The following ALAD variants were observed in gnomAD, a reference collection of about 807,000 sequenced individuals.
ALAD encodes the protein aminolevulinate dehydratase.
ALAD carries 20 observed loss-of-function variants against 44.4 expected under a neutral mutation model. That is an observed-to-expected ratio of 0.45 (90% confidence interval 0.32 to 0.65). ALAD has a LOEUF of 0.65. ALAD is among the 30% of genes least tolerant of loss of function. The pLI is 0.05. For synonymous variants in ALAD, 156 were observed against 167.9 expected, an observed-to-expected ratio of 0.93 and a Z score of 0.55; for missense variants, 323 against 445.7, an observed-to-expected ratio of 0.72 and a Z score of 2.48.
intron 1 of ALAD, among the ~76,000 whole-genome samples, chr9:113,394,229 G>A (rs1253012661): frequency 1.4e-5 from 2 of 148,056 alleles, no homozygotes; most frequent in Admixed American, 6.7e-5. Flanking sequence ...CGTGAGCCAC[G>A]GTGCCTAGCC....
At chr9:113,390,340 G>C in intron 7 of ALAD, 65 bp downstream of exon 7, 8 of 1,531,740 alleles carry the variant, frequency 5.2e-6, no homozygotes, top group Non-Finnish European at 7.2e-6. Flanking sequence ...ATTCTTAGCA[G>C]ACACGGGGGC....
chr9:113,390,717 C>T, intron 5 of ALAD, 41 bp from the exon 6 acceptor site: 1 of 1,604,642 alleles, frequency 6.2e-7, no homozygotes, highest in African/African-American at 1.3e-5. Flanking sequence ...CACCTTGGGC[C>T]CTGGCCTGTC....
intron 4 of ALAD, among the ~76,000 whole-genome samples, chr9:113,391,231 C>G (rs968659370): frequency 2.0e-5 from 3 of 152,084 alleles, no homozygotes; most frequent in Non-Finnish European, 4.4e-5. Context: ...GAGACAGGGT[C>G]TTGCTCTGTC....
At chr9:113,388,782 G>A (rs1190156614) in intron 11 of ALAD, among the ~76,000 whole-genome samples, 195 bp downstream of exon 11, 1 of 152,214 alleles carries the variant, frequency 6.6e-6, no homozygotes, top group South Asian at 2.1e-4. Context: ...AACCAAAAAT[G>A]AAGGGCTCTG....
At chr9:113,390,964 T>C in intron 4 of ALAD, 31 bp from the exon 5 acceptor site, 1 of 1,613,476 alleles carries the variant, frequency 6.2e-7, no homozygotes, top group Non-Finnish European at 8.5e-7. Context: ...AAGCAGTGTG[T>C]CTATTACATG....
chr9:113,393,366 T>C (rs1827644867), intron 2 of ALAD, 81 bp downstream of exon 2: 1 of 1,327,868 alleles, frequency 7.5e-7, no homozygotes, highest in African/African-American at 1.4e-5. Context: ...GCCATACTGA[T>C]GCCCGCTCCA....
At chr9:113,393,419 G>A in intron 2 of ALAD, 28 bp downstream of exon 2, 1 of 1,411,206 alleles carries the variant, frequency 7.1e-7, no homozygotes. Flanking sequence ...CAGCAGAGCA[G>A]AGGCCTGGCC....
Position 113,393,567 on chromosome 9 carries a change from G to T in ALAD, c.-8C>A, listed in dbSNP as rs777832891. The T allele has an allele frequency of 6.2e-7, 1 of 1,611,076 alleles. No homozygotes were observed. Among genetic ancestry groups the T allele is most frequent in the South Asian group, 1.1e-5 (1 of 90,992 alleles). On this transcript the variant is annotated 5_prime_UTR_variant, in exon 2 of 12. Transcript: ENST00000409155. The stretch of plus-strand genomic sequence containing the variant: ...AACGGACTGGGGCTGCATGGCGTGG[G>T]CCAGTGGGCACAGGGGCATCAGTTG...
At chr9:113,390,769 G>T in intron 5 of ALAD, 29 bp downstream of exon 5, 1 of 1,600,550 alleles carries the variant, frequency 6.2e-7, no homozygotes, top group Non-Finnish European at 8.5e-7. Context: ...GTGGGTGGCA[G>T]CAGGGCTGGT....
chr9:113,389,560 G>A, intron 9 of ALAD, 36 bp from the exon 10 acceptor site: 1 of 1,614,128 alleles, frequency 6.2e-7, no homozygotes. Context: ...TGGTGCCTAG[G>A]AGGGGGCTGA....
At chr9:113,392,461 T>C in intron 2 of ALAD, 1 of 714,982 alleles carries the variant, frequency 1.4e-6, no homozygotes, top group South Asian at 2.3e-5. Context: ...AGGTCCTTGC[T>C]TTCTATCCCA....
rs1564368258 is a variant in ALAD at position 113,388,985 on chromosome 9, C to T, written c.923G>A (p.Arg308His). ...AAVLEAMTAFRRAGADIIITY... is the reference protein window; with the variant it reads ...AAVLEAMTAFHRAGADIIITY... Reference sequence around the variant, plus strand: ...CACCCTTGCCTGCCTACCTGCTCTGCGGAAGGCAGTCATGGCCTCCAGTAC... The same window carrying T: ...CACCCTTGCCTGCCTACCTGCTCTGTGGAAGGCAGTCATGGCCTCCAGTAC... The change falls in exon 11 of 12, where the codon CGC (arginine) becomes CAC (histidine). Residue 308 changes from arginine to histidine, a missense_variant. Physicochemically the swap from Arg to His is conservative, Grantham distance 29. Coordinates refer to ENST00000409155, the MANE Select transcript of ALAD (RefSeq NM_000031.6). 1.3e-5 allele frequency: 21 copies of T among 1,613,744 alleles called. No individual in the cohort carries two copies. Among genetic ancestry groups the T allele is most frequent in the South Asian group, 8.8e-5 (8 of 91,092 alleles).
At chr9:113,399,008 C>G (rs1317192310) in intron 1 of ALAD, among the ~76,000 whole-genome samples, 1 of 152,216 alleles carries the variant, frequency 6.6e-6, no homozygotes, top group African/African-American at 2.4e-5. Context: ...GACATTACCA[C>G]ACTGAAGACA....
intron 1 of ALAD, among the ~76,000 whole-genome samples, chr9:113,395,062 AAAAG>A (rs1306224596): frequency 5.1e-4 from 78 of 152,274 alleles, no homozygotes; most frequent in Admixed American, 3.1e-3. Context: ...TCCAAAAAAA[AAAAG>A]AAAGAAAGAA....
intron 1 of ALAD, among the ~76,000 whole-genome samples, chr9:113,393,960 T>C (rs80015638): frequency 2.0e-5 from 3 of 151,378 alleles, no homozygotes; most frequent in African/African-American, 4.9e-5. Context: ...TTTTTTTTTT[T>C]CACACAGGGT....
At chr9:113,391,804 T>C (rs1827593641) in intron 3 of ALAD, among the ~76,000 whole-genome samples, 181 bp from the exon 4 acceptor site, 2 of 152,198 alleles carry the variant, frequency 1.3e-5, no homozygotes, top group African/African-American at 4.8e-5. Context: ...ACTGAGGCCC[T>C]GAGTAGCAGA....
At chr9:113,393,414 G>C in intron 2 of ALAD, 33 bp downstream of exon 2, 1 of 1,266,804 alleles carries the variant, frequency 7.9e-7, no homozygotes, top group East Asian at 2.8e-5. Flanking sequence ...CCAACCAGCA[G>C]AGCAGAGGCC....
chr9:113,390,384 T>C, intron 7 of ALAD, 21 bp downstream of exon 7: 1 of 1,611,734 alleles, frequency 6.2e-7, no homozygotes, highest in Non-Finnish European at 8.5e-7. Flanking sequence ...GCCAGCCCTG[T>C]GCTGCATTCC....
At chr9:113,391,386 G>C (rs750761222) in intron 4 of ALAD, 141 bp downstream of exon 4, 25 of 755,302 alleles carry the variant, frequency 3.3e-5, no homozygotes, top group Non-Finnish European at 4.9e-5. Context: ...TGTATTTTTT[G>C]TAGAGATGGG....
Sources: gnomAD v4.1 joint callset for allele counts (sites outside exome capture counted in the v4.1 genomes callset) on GRCh38, gnomAD v4.1.1 for gene constraint, MANE v1.5 for transcripts, NCBI Gene and HGNC (gene_info 2026-07-23, HGNC 2026-07-21) for gene names.